ZMPSTE24: variants seen among roughly 807,000 people sequenced by gnomAD.
ZMPSTE24 encodes CAAX prenyl protease 1 homolog.
Under a neutral mutation model 56.7 loss-of-function variants are expected in ZMPSTE24, and 48 were observed. The observed-to-expected ratio is 0.85, with a 90% CI of 0.67 to 1.08. The LOEUF (loss-of-function observed/expected upper bound fraction) is 1.08, where lower values mean the gene tolerates loss of function less well. ZMPSTE24 is among the 50% of genes least tolerant of loss of function. The pLI is 0.00. For synonymous variants in ZMPSTE24, 172 were observed against 195.2 expected (o/e 0.88, Z 0.99); for missense variants, 503 against 548.7 (o/e 0.92, Z 0.83).
At chr1:40,274,040 G>A (rs977048025) in intron 6 of ZMPSTE24, among the ~76,000 whole-genome samples, 1 of 152,086 alleles carries the variant, frequency 6.6e-6, no homozygotes, top group African/African-American at 2.4e-5. Context: ...GTAGGTTGGG[G>A]GCAGCATTTC....
At chr1:40,278,516 C>T (rs968075065) in intron 6 of ZMPSTE24, among the ~76,000 whole-genome samples, 1 of 132,626 alleles carries the variant, frequency 7.5e-6, no homozygotes, top group African/African-American at 2.9e-5. Context: ...CGAGATCGCG[C>T]CACTGCACTC....
intron 6 of ZMPSTE24, among the ~76,000 whole-genome samples, chr1:40,274,855 A>G (rs1331196467): frequency 6.6e-6 from 1 of 152,182 alleles, no homozygotes; most frequent in African/African-American, 2.4e-5. Context: ...GACAAGTTTT[A>G]GGGTAGAGTT....
rs561889228 is a variant in ZMPSTE24 at position 40,270,970 on chromosome 1, A to T, written c.627+843A>T. ...TCTGTCTCTACAAATAATAATTTTT[A>T]AAAAACCCAAATGAAAAAACCCAAA... On this transcript the variant is annotated intron_variant, in intron 5 of 9. Coordinates refer to ENST00000372759, the MANE Select transcript of ZMPSTE24 (RefSeq NM_005857.5). Among the ~76,000 whole-genome samples the T allele has an allele frequency of 6.6e-5, 10 of 152,312 alleles. No individual in the cohort carries two copies. In the East Asian group the frequency reaches 7.7e-4, roughly 12 times the overall value.
intron 8 of ZMPSTE24, among the ~76,000 whole-genome samples, chr1:40,289,613 A>G (rs1485651296): frequency 6.6e-6 from 1 of 152,228 alleles, no homozygotes; most frequent in Admixed American, 6.5e-5. Context: ...CGTTTGGGTC[A>G]AATGGTTTGA....
At chr1:40,262,681 C>G (rs1569616563) in intron 2 of ZMPSTE24, 1 of 284,328 alleles carries the variant, frequency 3.5e-6, no homozygotes, top group Non-Finnish European at 5.8e-6. Flanking sequence ...ATCATTCTCC[C>G]CAAAAGCTAG....
intron 8 of ZMPSTE24, among the ~76,000 whole-genome samples, chr1:40,289,898 A>C (rs1021711764): frequency 1.3e-5 from 2 of 152,040 alleles, no homozygotes; most frequent in African/African-American, 4.8e-5. Flanking sequence ...GTTGTATCTG[A>C]TTACAGTGTT....
intron 8 of ZMPSTE24, among the ~76,000 whole-genome samples, chr1:40,288,408 T>C (rs1374132095): frequency 6.6e-6 from 1 of 152,162 alleles, no homozygotes; most frequent in African/African-American, 2.4e-5. Flanking sequence ...AGGGAAAGGG[T>C]TCCAATGGAA....
chr1:40,271,262 T>C (rs938028145), intron 5 of ZMPSTE24, among the ~76,000 whole-genome samples: 3 of 152,216 alleles, frequency 2.0e-5, no homozygotes, highest in African/African-American at 7.2e-5. Context: ...TACATAATGC[T>C]CATTGTTTCA....
chr1:40,262,985 T>C (rs1643514000), intron 2 of ZMPSTE24: 2 of 1,000,926 alleles, frequency 2.0e-6, no homozygotes, highest in Non-Finnish European at 1.2e-6. Context: ...TTAGATGAGG[T>C]AGACACTATT....
chr1:40,274,665 A>G (rs1289538606), intron 6 of ZMPSTE24, among the ~76,000 whole-genome samples: 1 of 152,214 alleles, frequency 6.6e-6, no homozygotes, highest in Non-Finnish European at 1.5e-5. Context: ...TTTTGAGTTC[A>G]GTGGGAAGAG....
intron 8 of ZMPSTE24, among the ~76,000 whole-genome samples, chr1:40,286,451 C>T (rs942837880): frequency 3.3e-5 from 5 of 152,086 alleles, no homozygotes; most frequent in Non-Finnish European, 7.4e-5. Context: ...GACAGAGTCT[C>T]GCTCTGTCAC....
At position 40,292,492 on chromosome 1, in the gene ZMPSTE24, A is replaced by G. The variant is rs1376865958; in HGVS notation, c.1251A>G (p.Gln417=). The part of the protein sequence containing the change: ...LTVLSRRFEF[Q]ADAFAKKLGK... Reference sequence around the variant, plus strand: ...TCCTAAGCCGCAGATTTGAGTTTCAAGCTGATGCATTTGCCAAGAAACTTG... The same window carrying G: ...TCCTAAGCCGCAGATTTGAGTTTCAGGCTGATGCATTTGCCAAGAAACTTG... Residue 417 remains glutamine, a synonymous_variant, in exon 10 of 10, where the codon CAA becomes CAG. Transcript: ENST00000372759. 6.2e-7 allele frequency: 1 copy of G among 1,614,118 alleles called. No homozygotes were observed. The highest frequency in any genetic ancestry group is 1.1e-5 in the South Asian group (1 of 91,078).
At chr1:40,289,098 G>T (rs1269411501) in intron 8 of ZMPSTE24, among the ~76,000 whole-genome samples, 1 of 152,208 alleles carries the variant, frequency 6.6e-6, no homozygotes, top group Admixed American at 6.5e-5. Flanking sequence ...TGATTATAGG[G>T]AACAGCATAT....
intron 6 of ZMPSTE24, among the ~76,000 whole-genome samples, chr1:40,275,433 C>CA (rs1015704529): frequency 8.1e-4 from 122 of 150,046 alleles, no homozygotes; most frequent in African/African-American, 2.9e-3. Context: ...GACTCTGTCT[C>CA]AAAAAACAAA....
At chr1:40,267,027 C>G (rs1643556889) in intron 2 of ZMPSTE24, among the ~76,000 whole-genome samples, 1 of 152,098 alleles carries the variant, frequency 6.6e-6, no homozygotes, top group Non-Finnish European at 1.5e-5. Context: ...CTTGGCCTCC[C>G]AAAGTGCTGG....
intron 8 of ZMPSTE24, among the ~76,000 whole-genome samples, chr1:40,286,643 A>G (rs983613688): frequency 6.6e-6 from 1 of 150,980 alleles, no homozygotes; most frequent in Non-Finnish European, 1.5e-5. Context: ...CTGGTCTCGA[A>G]CTCCTGACCT....
At chr1:40,267,670 C>T (rs1643565231) in intron 2 of ZMPSTE24, 116 bp from the exon 3 acceptor site, 4 of 847,882 alleles carry the variant, frequency 4.7e-6, no homozygotes, top group Non-Finnish European at 7.8e-6. Flanking sequence ...GTACTGGCCT[C>T]TTTTGTTTTT....
chr1:40,280,900 C>A (rs1643722689), intron 6 of ZMPSTE24, among the ~76,000 whole-genome samples: 1 of 152,134 alleles, frequency 6.6e-6, no homozygotes, highest in South Asian at 2.1e-4. Context: ...TTCAACAATG[C>A]AAAAACCGCA....
At chr1:40,261,297 A>G (rs981052781) in intron 2 of ZMPSTE24, among the ~76,000 whole-genome samples, 17 of 152,030 alleles carry the variant, frequency 1.1e-4, no homozygotes, top group African/African-American at 4.1e-4. Flanking sequence ...ATAGGGTAGC[A>G]TTCTATCATT....
Sources: gnomAD v4.1 joint callset for allele counts (sites outside exome capture counted in the v4.1 genomes callset) on GRCh38, gnomAD v4.1.1 for gene constraint, MANE v1.5 for transcripts, NCBI Gene and HGNC (gene_info 2026-07-23, HGNC 2026-07-21) for gene names.